ADAMTS17: variants seen among roughly 807,000 people sequenced by gnomAD.
ADAMTS17 encodes the protein A disintegrin and metalloproteinase with thrombospondin motifs 17.
In ADAMTS17, 113 loss-of-function variants were observed where a neutral mutation model predicts 141.5. The ratio of observed to expected loss-of-function variants is 0.80; its 90% CI spans 0.69 to 0.93. The LOEUF is 0.93. ADAMTS17 is among the 40% of genes least tolerant of loss of function. The probability of loss-of-function intolerance (pLI) is 0.00; values close to 1 mark genes in which losing one functional copy is unlikely to be tolerated. For synonymous variants in ADAMTS17, 768 were observed against 630.6 expected (o/e 1.22, Z -3.27); for missense variants, 1,659 against 1,517.9 (o/e 1.09, Z -1.54).
intron 8 of ADAMTS17, among the ~76,000 whole-genome samples, chr15:100,189,873 CACCCAGCACCACAGG>C (rs1340327982): frequency 5.9e-5 from 9 of 152,340 alleles, no homozygotes; most frequent in Non-Finnish European, 1.2e-4. Flanking sequence ...TGACATGATA[CACCCAGCACCACAGG>C]GCCCAGCTTC....
chr15:100,126,003 GT>G (rs1433074708), intron 12 of ADAMTS17: 1 of 152,232 alleles, frequency 6.6e-6, no homozygotes, highest in Admixed American at 6.5e-5. Context: ...GGACAACCTT[GT>G]GAAATCTCTA....
At position 100,188,352 on chromosome 15, in the gene ADAMTS17, T is replaced by C. The variant is rs564505923; in HGVS notation, c.1181+10966A>G. On this transcript the variant is annotated intron_variant, in intron 8 of 21. Transcript: ENST00000268070. ...TCAGCCTCCCGAAATGCTGGGATTTTAGGCATGAGCTACCACGCCCGGCCA... is the reference window on the plus strand; with the variant it reads ...TCAGCCTCCCGAAATGCTGGGATTTCAGGCATGAGCTACCACGCCCGGCCA... 3.7e-3 allele frequency among the ~76,000 whole-genome samples: 567 copies of C among 151,872 alleles called. 2 individuals are homozygous for C. The Middle Eastern group carries it at 0.037, about 10-fold the overall frequency.
chr15:100,042,741 T>G (rs1377649523), intron 18 of ADAMTS17, among the ~76,000 whole-genome samples: 3 of 152,180 alleles, frequency 2.0e-5, no homozygotes, highest in African/African-American at 7.2e-5. Context: ...GACAAGGGGA[T>G]GATTCACGTC....
At chr15:100,083,677 A>T (rs1032520481) in intron 15 of ADAMTS17, among the ~76,000 whole-genome samples, 1 of 151,344 alleles carries the variant, frequency 6.6e-6, no homozygotes, top group Non-Finnish European at 1.5e-5. Flanking sequence ...TCACAAATGT[A>T]AACAAAGTCT....
intron 20 of ADAMTS17, among the ~76,000 whole-genome samples, chr15:99,988,972 A>G (rs1445336169): frequency 1.3e-5 from 2 of 152,164 alleles, no homozygotes; most frequent in Non-Finnish European, 2.9e-5. Flanking sequence ...TACAAAAGCA[A>G]AAGTGTCCAG....
At chr15:100,140,546 A>ACTTTCATC (rs2038591732) in intron 10 of ADAMTS17, among the ~76,000 whole-genome samples, 1 of 144,084 alleles carries the variant, frequency 6.9e-6, no homozygotes, top group South Asian at 2.3e-4. Context: ...TGGGATGAAT[A>ACTTTCATC]CTTTCATCTG....
chr15:100,106,686 G>A (rs1450353101), intron 14 of ADAMTS17, among the ~76,000 whole-genome samples: 1 of 152,224 alleles, frequency 6.6e-6, no homozygotes. Context: ...GGCTCGGCTG[G>A]TGCTGCTCTA....
At chr15:100,087,447 C>T (rs558838198) in intron 15 of ADAMTS17, among the ~76,000 whole-genome samples, 1 of 133,506 alleles carries the variant, frequency 7.5e-6, no homozygotes, top group African/African-American at 3.4e-5. Flanking sequence ...GAAACTATTC[C>T]AATCAATAGA....
At chr15:100,328,839 G>C (rs998695099) in intron 3 of ADAMTS17, among the ~76,000 whole-genome samples, 1 of 152,168 alleles carries the variant, frequency 6.6e-6, no homozygotes, top group African/African-American at 2.4e-5. Flanking sequence ...CCATGGACTA[G>C]AGTCTGATGA....
intron 20 of ADAMTS17, among the ~76,000 whole-genome samples, chr15:99,983,522 T>G (rs1372059026): frequency 6.6e-6 from 1 of 152,056 alleles, no homozygotes; most frequent in Non-Finnish European, 1.5e-5. Context: ...AAATCACAAC[T>G]GTAAATAACA....
intron 10 of ADAMTS17, among the ~76,000 whole-genome samples, chr15:100,149,011 G>C (rs902735549): frequency 1.3e-5 from 2 of 152,208 alleles, no homozygotes; most frequent in Non-Finnish European, 2.9e-5. Flanking sequence ...GGCAGGATGA[G>C]GCCCAGAAGG....
intron 15 of ADAMTS17, among the ~76,000 whole-genome samples, chr15:100,082,800 T>A (rs2034840537): frequency 6.6e-6 from 1 of 150,882 alleles, no homozygotes; most frequent in Admixed American, 6.6e-5. Context: ...TCTTGGTTTT[T>A]CTCATTTGTG....
intron 6 of ADAMTS17, among the ~76,000 whole-genome samples, chr15:100,254,730 A>C (rs1046383479): frequency 5.9e-5 from 9 of 151,930 alleles, no homozygotes; most frequent in African/African-American, 1.9e-4. Context: ...TATCCTCAGA[A>C]AACTAATGCA....
chr15:100,013,131 TA>T (rs1198571349), intron 18 of ADAMTS17, among the ~76,000 whole-genome samples: 1 of 152,216 alleles, frequency 6.6e-6, no homozygotes. Context: ...CTAAGCATTT[TA>T]TTTTTTTGCA....
At chr15:100,043,853 C>G (rs1440039153) in intron 18 of ADAMTS17, among the ~76,000 whole-genome samples, 1 of 152,390 alleles carries the variant, frequency 6.6e-6, no homozygotes, top group East Asian at 1.9e-4. Context: ...GGCAACACGG[C>G]AGGACTGTGG....
At chr15:99,999,585 G>A (rs1240604149) in intron 18 of ADAMTS17, among the ~76,000 whole-genome samples, 1 of 152,192 alleles carries the variant, frequency 6.6e-6, no homozygotes, top group Non-Finnish European at 1.5e-5. Flanking sequence ...GGGCAGAAGG[G>A]TGAGATACCT....
At chr15:100,100,307 C>T (rs2036018626) in intron 14 of ADAMTS17, among the ~76,000 whole-genome samples, 1 of 152,014 alleles carries the variant, frequency 6.6e-6, no homozygotes, top group South Asian at 2.1e-4. Flanking sequence ...CCCCGGGGCT[C>T]CCTGCTTTTT....
chr15:100,068,605 G>A (rs1442361785), intron 15 of ADAMTS17, among the ~76,000 whole-genome samples: 1 of 152,210 alleles, frequency 6.6e-6, no homozygotes, highest in Non-Finnish European at 1.5e-5. Context: ...AATATCCGTT[G>A]TTCTGCAGCC....
intron 7 of ADAMTS17, among the ~76,000 whole-genome samples, chr15:100,217,319 G>A (rs761848095): frequency 5.3e-5 from 8 of 152,264 alleles, no homozygotes; most frequent in African/African-American, 9.6e-5. Flanking sequence ...AGACCTAAAC[G>A]TAAGACTGAA....
Sources: allele counts gnomAD v4.1 joint callset (sites outside exome capture counted in the v4.1 genomes callset), GRCh38; gene constraint gnomAD v4.1.1; transcripts MANE v1.5; gene names NCBI Gene and HGNC (gene_info 2026-07-23, HGNC 2026-07-21).